Variants in SLC25A26 observed in about 807,000 individuals in gnomAD.
The protein encoded by SLC25A26 is solute carrier family 25 member 26.
In SLC25A26, 36 loss-of-function variants were observed where a neutral mutation model predicts 37.8. The observed-to-expected ratio is 0.95, with a 90% confidence interval of 0.73 to 1.26. SLC25A26 has a LOEUF of 1.26. Among genes scored for constraint, SLC25A26 ranks in the 50% most tolerant of loss-of-function variants. The pLI is 0.00. For synonymous variants in SLC25A26, 129 were observed against 122.5 expected, an observed-to-expected ratio of 1.05 and a Z score of -0.35; for missense variants, 390 against 331.1, an observed-to-expected ratio of 1.18 and a Z score of -1.38.
At chr3:66,317,117 C>G (rs6767181) in intron 5 of SLC25A26, among the ~76,000 whole-genome samples, 7,608 of 152,278 alleles carry the variant, frequency 0.05, 600 homozygotes, top group African/African-American at 0.17. Flanking sequence ...ATTCACCCAT[C>G]TCAAGCCTCG....
At chr3:66,218,712 C>A (rs2071397291), upstream of SLC25A26, among the ~76,000 whole-genome samples, 1 of 152,150 alleles carries the variant, frequency 6.6e-6, no homozygotes, top group South Asian at 2.1e-4. Flanking sequence ...TCTTTCAGAC[C>A]ACTTACTCTA....
chr3:66,268,203 T>A (rs1038269085), intron 5 of SLC25A26, among the ~76,000 whole-genome samples: 1 of 152,250 alleles, frequency 6.6e-6, no homozygotes, highest in Non-Finnish European at 1.5e-5. Flanking sequence ...ATTACAGACA[T>A]GCTGCAGTGA....
chr3:66,293,956 C>G (rs2074807223), intron 5 of SLC25A26, among the ~76,000 whole-genome samples: 2 of 151,938 alleles, frequency 1.3e-5, no homozygotes. Context: ...AGTGTGAGGC[C>G]TTTAAGTTTG....
chr3:66,362,746 A>G (rs1252302611), intron 6 of SLC25A26, 114 bp from the exon 7 acceptor site: 3 of 601,818 alleles, frequency 5.0e-6, no homozygotes, highest in African/African-American at 3.8e-5. Flanking sequence ...ATCAGTAAAG[A>G]ATGCCACCAA....
intron 5 of SLC25A26, among the ~76,000 whole-genome samples, chr3:66,297,645 A>G (rs1192645193): frequency 2.6e-5 from 4 of 152,196 alleles, no homozygotes; most frequent in Non-Finnish European, 5.9e-5. Context: ...CCTAATCCAG[A>G]TCACAGCCTG....
intron 1 of SLC25A26, among the ~76,000 whole-genome samples, chr3:66,185,772 A>G (rs2070814887): frequency 6.6e-6 from 1 of 151,640 alleles, no homozygotes; most frequent in African/African-American, 2.4e-5. Context: ...TTATACATAT[A>G]CTTACATTCA....
chr3:66,285,185 G>A (rs926890803), intron 5 of SLC25A26, among the ~76,000 whole-genome samples: 2 of 152,008 alleles, frequency 1.3e-5, no homozygotes, highest in African/African-American at 4.8e-5. Context: ...TATTTCACAG[G>A]AGAAGAAAGG....
At chr3:66,338,562 C>T (rs1000787786) in intron 5 of SLC25A26, among the ~76,000 whole-genome samples, 3 of 151,962 alleles carry the variant, frequency 2.0e-5, no homozygotes, top group Non-Finnish European at 4.4e-5. Flanking sequence ...TAATATTTGC[C>T]ATTTTAAACA....
At chr3:66,320,693 C>G (rs952115069) in intron 5 of SLC25A26, among the ~76,000 whole-genome samples, 8 of 152,178 alleles carry the variant, frequency 5.3e-5, no homozygotes, top group Non-Finnish European at 7.3e-5. Flanking sequence ...ACCATTTACA[C>G]TCCCACCAGC....
intron 1 of SLC25A26, among the ~76,000 whole-genome samples, chr3:66,190,474 G>C (rs974330850): frequency 0.026 from 3,954 of 152,196 alleles, 78 homozygotes; most frequent in Non-Finnish European, 0.038. Flanking sequence ...CGTCACCCAG[G>C]CTAGAGTGCA....
chr3:66,293,731 T>TA (rs2074796572), intron 5 of SLC25A26, among the ~76,000 whole-genome samples: 1 of 152,220 alleles, frequency 6.6e-6, no homozygotes, highest in Non-Finnish European at 1.5e-5. Context: ...CGTTTTTTCT[T>TA]ACGGCTGTAT....
At chr3:66,219,083 G>T (rs1024607079), upstream of SLC25A26, among the ~76,000 whole-genome samples, 11 of 152,368 alleles carry the variant, frequency 7.2e-5, no homozygotes, top group East Asian at 1.7e-3. Flanking sequence ...GTACTTGGAG[G>T]TGGGCGCTAC....
chr3:66,139,679 T>A (rs2070005374), intron 1 of SLC25A26, among the ~76,000 whole-genome samples: 1 of 152,218 alleles, frequency 6.6e-6, no homozygotes. Flanking sequence ...TCGGCTGCAG[T>A]GTTACACATG....
At chr3:66,229,296 C>T (rs963366421) in intron 1 of SLC25A26, among the ~76,000 whole-genome samples, 2 of 152,128 alleles carry the variant, frequency 1.3e-5, no homozygotes, top group Non-Finnish European at 2.9e-5. Context: ...TTTCATGTGT[C>T]AAGAAACAAA....
intron 1 of SLC25A26, among the ~76,000 whole-genome samples, chr3:66,214,630 C>A (rs1390212755): frequency 6.6e-6 from 1 of 152,012 alleles, no homozygotes; most frequent in Non-Finnish European, 1.5e-5. Context: ...CTTTTGTGAT[C>A]TTTACTCATT....
intron 5 of SLC25A26, among the ~76,000 whole-genome samples, chr3:66,269,841 A>T (rs761901562): frequency 3.3e-5 from 5 of 152,050 alleles, no homozygotes; most frequent in Admixed American, 6.5e-5. Flanking sequence ...GTTCTCTTTC[A>T]GTTTGTCCTT....
At chr3:66,323,163 G>A (rs1045674481) in intron 5 of SLC25A26, among the ~76,000 whole-genome samples, 1 of 152,136 alleles carries the variant, frequency 6.6e-6, no homozygotes, top group South Asian at 2.1e-4. Context: ...TGTAAATGCG[G>A]TCTTTCCCTC....
chr3:66,253,406 A>G (rs926824953), intron 3 of SLC25A26, among the ~76,000 whole-genome samples: 6 of 151,964 alleles, frequency 3.9e-5, no homozygotes, highest in African/African-American at 1.4e-4. Flanking sequence ...CATCTCAAAA[A>G]AAAAAAAAAA....
intron 5 of SLC25A26, among the ~76,000 whole-genome samples, chr3:66,280,908 A>G (rs1244549403): frequency 6.6e-6 from 1 of 152,138 alleles, no homozygotes; most frequent in African/African-American, 2.4e-5. Context: ...CTACAATGCC[A>G]TTATCACACC....
Sources: allele counts gnomAD v4.1 joint callset (sites outside exome capture counted in the v4.1 genomes callset), GRCh38; gene constraint gnomAD v4.1.1; transcripts MANE v1.5; gene names NCBI Gene and HGNC (gene_info 2026-07-23, HGNC 2026-07-21).